The following FHIP1B variants were observed in gnomAD, a reference collection of about 807,000 sequenced individuals.
FHIP1B encodes FHF complex subunit HOOK interacting protein 1B, also known as FHF complex subunit HOOK-interacting protein 1B.
A neutral mutation model predicts 82.2 loss-of-function variants in FHIP1B; 28 were observed. The ratio of observed to expected loss-of-function variants is 0.34; its 90% CI spans 0.25 to 0.47. The LOEUF (loss-of-function observed/expected upper bound fraction) is 0.47. Among genes scored for constraint, FHIP1B ranks in the 20% least tolerant of loss-of-function variants. The probability of loss-of-function intolerance (pLI) is 1.00; values close to 1 mark genes in which losing one functional copy is unlikely to be tolerated. For missense variants in FHIP1B, 1,110 were observed against 1,262.6 expected (o/e 0.88, Z 1.83); for synonymous variants, 585 against 516.1 (o/e 1.13, Z -1.81).
chr11:6,228,146 G>C (rs1181343348), intron 1 of FHIP1B, among the ~76,000 whole-genome samples: 2 of 152,152 alleles, frequency 1.3e-5, no homozygotes, highest in Non-Finnish European at 2.9e-5. Flanking sequence ...TCAGGAGTTT[G>C]AGACCAGCCT....
At chr11:6,215,899 A>G (rs922729791) in intron 9 of FHIP1B, among the ~76,000 whole-genome samples, 12 of 152,242 alleles carry the variant, frequency 7.9e-5, no homozygotes, top group African/African-American at 2.9e-4. Flanking sequence ...GAATCCTGAA[A>G]AAGATGCTAA....
Position 6,224,058 on chromosome 11 carries a change from A to T in FHIP1B, c.329T>A (p.Leu110Ter). 6.2e-7 allele frequency: 1 copy of T among 1,613,468 alleles called. No individual in the cohort carries two copies. Among genetic ancestry groups the T allele is most frequent in the Non-Finnish European group, 8.5e-7 (1 of 1,179,664 alleles). Residue 110 changes from leucine to a stop codon, truncating the protein, a stop_gained, in exon 3 of 12, where the codon TTG (leucine) becomes TAG (stop). Transcript: ENST00000449352. LOFTEE classifies it high-confidence loss of function. ...ALHEDLLTRV[L>*]TWQLQWDELG... The stretch of plus-strand genomic sequence containing the variant: ...CTCATCCCATTGCAGCTGCCATGTC[A>T]ACACACGGGTCAGCAGATCCTCGTG...
At chr11:6,212,787 T>C (rs1235393337) in intron 11 of FHIP1B, among the ~76,000 whole-genome samples, 1 of 152,176 alleles carries the variant, frequency 6.6e-6, no homozygotes, top group Non-Finnish European at 1.5e-5. Flanking sequence ...TCCTACAATT[T>C]CTTTTCAAAC....
At position 6,222,293 on chromosome 11, in the gene FHIP1B, A is replaced by G. The variant is rs58816729; in HGVS notation, c.1191+149T>C. On this transcript the variant is annotated intron_variant, in intron 6 of 11. Transcript: ENST00000449352. ...AAAATCTGTACCCAAAATGGTTAAAAGTTTAATGCTGGAAAGTTAATGCCA... is the reference window on the plus strand; with the variant it reads ...AAAATCTGTACCCAAAATGGTTAAAGGTTTAATGCTGGAAAGTTAATGCCA... The G allele has an allele frequency of 8.5e-4, 712 of 838,126 alleles. 9 individuals carry two copies. In the East Asian group the frequency reaches 0.016, roughly 19 times the overall value. 51.9% of individuals were successfully genotyped at this position (838,126 alleles called of 1,614,324 possible).
At position 6,224,252 on chromosome 11, in the gene FHIP1B, G is replaced by A. The variant is rs369888762; in HGVS notation, c.139-4C>T. The A allele has an allele frequency of 2.0e-5, 33 of 1,611,312 alleles. 1 individual carries two copies. The highest frequency in any genetic ancestry group is 2.8e-5 in the Non-Finnish European group (33 of 1,178,458). ...GCCGCTCCAGGATTCGCACCACCTA[G>A]GGAAAAAGGACAGAAGATGGAAGGA... is the stretch of plus-strand genomic sequence containing the variant. On this transcript the variant is annotated splice_region_variant and splice_polypyrimidine_tract_variant and intron_variant, in intron 2 of 11. Coordinates refer to ENST00000449352, the MANE Select transcript of FHIP1B (RefSeq NM_001098794.2).
At chr11:6,219,840 C>T (rs139368416) in intron 6 of FHIP1B, among the ~76,000 whole-genome samples, 1 of 152,284 alleles carries the variant, frequency 6.6e-6, no homozygotes, top group South Asian at 2.1e-4. Context: ...TAGGGCACTA[C>T]CTGAACAGTT....
intron 1 of FHIP1B, among the ~76,000 whole-genome samples, chr11:6,226,565 G>C (rs1313489877): frequency 6.6e-6 from 1 of 152,162 alleles, no homozygotes; most frequent in Non-Finnish European, 1.5e-5. Flanking sequence ...ATTAAGCAGA[G>C]AGCAGAGGGA....
In FHIP1B at chr11:6,233,845, C is replaced by A. The variant is rs1385769047; in HGVS notation, c.-192+699G>T. ...CAAAACCCTTCATGAGAGGGCCCAT[C>A]TTCAACTATGCAGTCCAGAGAAGGA... On this transcript the variant is annotated intron_variant, in intron 1 of 11. Transcript: ENST00000449352. Among the ~76,000 whole-genome samples, 8 of 152,218 alleles carry A rather than the reference C, an allele frequency of 5.3e-5. No individual in the cohort carries two copies. In the South Asian group the frequency reaches 8.3e-4, roughly 16 times the overall value.
At chr11:6,233,976 C>T (rs913876044) in intron 1 of FHIP1B, among the ~76,000 whole-genome samples, 3 of 152,198 alleles carry the variant, frequency 2.0e-5, no homozygotes, top group African/African-American at 7.2e-5. Flanking sequence ...ATTTTCTCGT[C>T]CTCCAGAATA....
chr11:6,217,936 A>ATT lies in FHIP1B; in HGVS notation c.1648_1649dup (p.Asn550LysfsTer113). Reference sequence around the variant, plus strand: ...GTGCCTCACGCAGATACTCCAGGTAATTGTCTTCCAGCTCTCCAGGCTCCT... The same window carrying ATT: ...GTGCCTCACGCAGATACTCCAGGTAATTTTGTCTTCCAGCTCTCCAGGCTCCT... On this transcript the variant is annotated frameshift_variant, in exon 9 of 12. Coordinates refer to ENST00000449352, the MANE Select transcript of FHIP1B (RefSeq NM_001098794.2). LOFTEE classifies it high-confidence loss of function. 1 of 1,612,896 alleles carries ATT rather than the reference A, an allele frequency of 6.2e-7. No individual in the cohort carries two copies. Among genetic ancestry groups the ATT allele is most frequent in the Non-Finnish European group, 8.5e-7 (1 of 1,180,016 alleles).
intron 1 of FHIP1B, among the ~76,000 whole-genome samples, chr11:6,226,783 G>A (rs2133835587): frequency 6.6e-6 from 1 of 152,300 alleles, no homozygotes; most frequent in Non-Finnish European, 1.5e-5. Context: ...TTTGTCTACT[G>A]ACACCCTAGA....
intron 6 of FHIP1B, among the ~76,000 whole-genome samples, chr11:6,220,790 A>G (rs1847385267): frequency 6.6e-6 from 1 of 152,270 alleles, no homozygotes; most frequent in South Asian, 2.1e-4. Flanking sequence ...TTAGGATAAG[A>G]CAAAAGGAAG....
rs202172236 is a variant in FHIP1B at position 6,217,461 on chromosome 11, C to T, written c.2125G>A (p.Glu709Lys). 3.1e-4 allele frequency: 504 copies of T among 1,613,624 alleles called. No individual in the cohort carries two copies. Among genetic ancestry groups the T allele is most frequent in the Non-Finnish European group, 4.0e-4 (474 of 1,179,796 alleles). ...GGCTCAGGGGGACAGGTGAAGCTCT[C>T]GTAGGCCTCCTCCTCCTCAAGGGGC... ...PLPLEEEEAYESFTCPPEPPG... is the reference protein window; with the variant it reads ...PLPLEEEEAYKSFTCPPEPPG... The change falls in exon 9 of 12, where the codon GAG (glutamate) becomes AAG (lysine). Residue 709 changes from glutamate to lysine, a missense_variant. This residue lies in a region of FHIP1B where 418 missense variants were observed against 371.4 expected (regional missense o/e 1.13). Transcript: ENST00000449352.
chr11:6,218,101 C>T lies in FHIP1B; in HGVS notation c.1485G>A (p.Arg495=). ...GAGCCAGACGAGATGGTGTGGAGGG[C>T]CGGGGTACTGTCGTCACAGAAGAGG... ...VDSSSVTTVP[R]PSTPSRLALF... The change falls in exon 9 of 12, where the codon CGG becomes CGA. Residue 495 remains arginine (R), a synonymous_variant. Coordinates refer to ENST00000449352, the MANE Select transcript of FHIP1B (RefSeq NM_001098794.2). The T allele has an allele frequency of 6.2e-7, 1 of 1,613,422 alleles. No individual in the cohort carries two copies.
At chr11:6,219,239 T>G (rs992504244) in intron 6 of FHIP1B, among the ~76,000 whole-genome samples, 189 bp from the exon 7 acceptor site, 1 of 152,242 alleles carries the variant, frequency 6.6e-6, no homozygotes, top group African/African-American at 2.4e-5. Flanking sequence ...ACACGATCTT[T>G]GCGAGCAAGA....
At chr11:6,220,859 T>C (rs1203107464) in intron 6 of FHIP1B, among the ~76,000 whole-genome samples, 1 of 152,106 alleles carries the variant, frequency 6.6e-6, no homozygotes, top group Non-Finnish European at 1.5e-5. Flanking sequence ...AACAGGACAA[T>C]ATGAGGCCAA....
chr11:6,218,910 C>T, intron 7 of FHIP1B, 61 bp downstream of exon 7: 1 of 1,588,366 alleles, frequency 6.3e-7, no homozygotes, highest in Non-Finnish European at 8.6e-7. Context: ...ATTGCCCCAG[C>T]AATGCATAAG....
intron 2 of FHIP1B, 46 bp downstream of exon 2, chr11:6,224,333 A>G: frequency 6.2e-7 from 1 of 1,614,206 alleles, no homozygotes; most frequent in East Asian, 2.2e-5. Flanking sequence ...GGCTGGGAGA[A>G]CTCAGGTGAT....
chr11:6,225,332 C>T (rs1162373747), intron 1 of FHIP1B, among the ~76,000 whole-genome samples: 2 of 152,220 alleles, frequency 1.3e-5, no homozygotes, highest in Non-Finnish European at 2.9e-5. Context: ...ATGTCCTTCT[C>T]CTGCTTTTCA....
Sources: gnomAD v4.1 joint callset for allele counts (sites outside exome capture counted in the v4.1 genomes callset) on GRCh38, gnomAD v4.1.1 for gene constraint, gnomAD v4.1.1 regional missense constraint, MANE v1.5 for transcripts, NCBI Gene and HGNC (gene_info 2026-07-23, HGNC 2026-07-21) for gene names.